The following ELMOD1 variants were observed in gnomAD, a reference collection of about 807,000 sequenced individuals.
The protein encoded by ELMOD1 is ELMO domain containing 1.
In ELMOD1, 21 loss-of-function variants were observed where a neutral mutation model predicts 46.7. That is an observed-to-expected ratio of 0.45 (90% confidence interval 0.32 to 0.65). ELMOD1 has a LOEUF of 0.65. ELMOD1 is among the 30% of genes least tolerant of loss of function. The pLI is 0.04. For missense variants in ELMOD1, 348 were observed against 407.8 expected (o/e 0.85, Z 1.26); for synonymous variants, 122 against 138.2 (o/e 0.88, Z 0.82).
intron 11 of ELMOD1, among the ~76,000 whole-genome samples, chr11:107,663,199 G>A (rs1219403501): frequency 6.6e-6 from 1 of 152,172 alleles, no homozygotes; most frequent in Non-Finnish European, 1.5e-5. Flanking sequence ...GGCCTTTTCT[G>A]ATGTGTTCAG....
At chr11:107,596,601 T>C (rs932502530) in intron 1 of ELMOD1, among the ~76,000 whole-genome samples, 46 of 152,148 alleles carry the variant, frequency 3.0e-4, no homozygotes, top group African/African-American at 1.1e-3. Context: ...TTGTACATTC[T>C]CTTAAAATGA....
At chr11:107,621,740 G>A (rs1017720003) in intron 2 of ELMOD1, among the ~76,000 whole-genome samples, 1 of 62,314 alleles carries the variant, frequency 1.6e-5, no homozygotes, top group African/African-American at 3.5e-5. Context: ...AAAAATGAAT[G>A]TGAGGGCCAG....
intron 1 of ELMOD1, among the ~76,000 whole-genome samples, chr11:107,613,518 C>T (rs192464923): frequency 4.0e-5 from 6 of 151,878 alleles, no homozygotes; most frequent in South Asian, 2.1e-4. Context: ...AACTATGCTG[C>T]GTTACTCAGC....
chr11:107,621,685 T>TC (rs57723188), intron 2 of ELMOD1, among the ~76,000 whole-genome samples: 1 of 151,122 alleles, frequency 6.6e-6, no homozygotes, highest in East Asian at 1.9e-4. Context: ...TTGTGTCACA[T>TC]TACCCCATTA....
chr11:107,650,970 A>C (rs1454670701), intron 9 of ELMOD1, 62 bp downstream of exon 9: 6 of 940,734 alleles, frequency 6.4e-6, no homozygotes, highest in Non-Finnish European at 7.3e-6. Flanking sequence ...AGTATGGGTA[A>C]GAATTTTTTT....
In ELMOD1 at chr11:107,635,737, A is replaced by C. The variant is rs745637426; in HGVS notation, c.392A>C (p.Asn131Thr). Residue 131 changes from asparagine to threonine, a missense_variant, in exon 6 of 12, where the codon AAT (asparagine) becomes ACT (threonine). Coordinates refer to ENST00000265840, the MANE Select transcript of ELMOD1 (RefSeq NM_018712.4). ...KLRREAYDSD[N>T]PQHEEMLLKL... ...CGTAGAGAGGCCTATGATTCTGATA[A>C]TCCCCAACATGAAGAAATGCTTTTG... 1.2e-6 allele frequency: 2 copies of C among 1,613,862 alleles called. No homozygotes were observed. Among genetic ancestry groups the C allele is most frequent in the South Asian group, 2.2e-5 (2 of 91,070 alleles).
At chr11:107,656,421 T>TATATATAAAAATACATG (rs1491256234) in intron 11 of ELMOD1, among the ~76,000 whole-genome samples, 4 of 93,454 alleles carry the variant, frequency 4.3e-5, no homozygotes, top group Admixed American at 1.1e-4. Flanking sequence ...TTATATATAT[T>TATATATAAAAATACATG]ATATATATAA....
chr11:107,639,404 C>A (rs1453714597), intron 6 of ELMOD1, among the ~76,000 whole-genome samples: 1 of 152,094 alleles, frequency 6.6e-6, no homozygotes, highest in Non-Finnish European at 1.5e-5. Context: ...ATAGACATTT[C>A]TATTAAAAGT....
At chr11:107,643,440 G>A in intron 6 of ELMOD1, 1 of 242,864 alleles carries the variant, frequency 4.1e-6, no homozygotes, top group Non-Finnish European at 8.7e-6. Flanking sequence ...TTTTGCTATA[G>A]ATGATTCCTT....
intron 1 of ELMOD1, among the ~76,000 whole-genome samples, chr11:107,608,117 A>G (rs1865718202): frequency 6.6e-6 from 1 of 151,384 alleles, no homozygotes; most frequent in African/African-American, 2.4e-5. Flanking sequence ...ACATGTTTTC[A>G]TATTCTAGTT....
At chr11:107,646,869 CTT>C (rs540144458) in intron 6 of ELMOD1, among the ~76,000 whole-genome samples, 1 of 151,124 alleles carries the variant, frequency 6.6e-6, no homozygotes, top group Non-Finnish European at 1.5e-5. Flanking sequence ...AATTTTTCCT[CTT>C]CTCTCTTTTC....
At chr11:107,598,298 T>C (rs557203747) in intron 1 of ELMOD1, among the ~76,000 whole-genome samples, 2 of 152,270 alleles carry the variant, frequency 1.3e-5, no homozygotes, top group South Asian at 4.2e-4. Flanking sequence ...AAAAGACTAA[T>C]GGCCCAGCTT....
At chr11:107,638,839 T>C (rs1300163858) in intron 6 of ELMOD1, among the ~76,000 whole-genome samples, 1 of 152,214 alleles carries the variant, frequency 6.6e-6, no homozygotes, top group Non-Finnish European at 1.5e-5. Context: ...CTAAAATATT[T>C]GTCAACTGGT....
intron 11 of ELMOD1, among the ~76,000 whole-genome samples, chr11:107,656,470 T>A (rs1866635316): frequency 6.8e-6 from 1 of 148,076 alleles, no homozygotes; most frequent in Non-Finnish European, 1.5e-5. Flanking sequence ...TTATATGTAT[T>A]TTATATATAT....
chr11:107,596,766 T>C (rs886229729), intron 1 of ELMOD1, among the ~76,000 whole-genome samples: 3 of 152,296 alleles, frequency 2.0e-5, no homozygotes, highest in Non-Finnish European at 2.9e-5. Context: ...GTGAATCCAA[T>C]ATATTAAAAT....
At chr11:107,625,269 C>T (rs541498314) in intron 2 of ELMOD1, 8 of 470,672 alleles carry the variant, frequency 1.7e-5, no homozygotes, top group African/African-American at 6.3e-5. Context: ...GACATTGAGC[C>T]GCTTGCTCTT....
At chr11:107,604,402 G>T (rs1333624417) in intron 1 of ELMOD1, among the ~76,000 whole-genome samples, 1 of 152,190 alleles carries the variant, frequency 6.6e-6, no homozygotes, top group Non-Finnish European at 1.5e-5. Context: ...GTCAGGAAAT[G>T]AGAGTCCTAT....
At chr11:107,622,138 G>A (rs1278313871) in intron 2 of ELMOD1, among the ~76,000 whole-genome samples, 2 of 152,172 alleles carry the variant, frequency 1.3e-5, no homozygotes, top group Admixed American at 6.5e-5. Context: ...ATCAGTGACA[G>A]GTTATAAACA....
intron 1 of ELMOD1, chr11:107,591,773 A>G: frequency 2.2e-6 from 1 of 458,958 alleles, no homozygotes; most frequent in South Asian, 1.6e-5. Context: ...AGGCGGGACA[A>G]GGGCGGCCTG....
Sources: allele counts gnomAD v4.1 joint callset (sites outside exome capture counted in the v4.1 genomes callset), GRCh38; gene constraint gnomAD v4.1.1; transcripts MANE v1.5; gene names NCBI Gene and HGNC (gene_info 2026-07-23, HGNC 2026-07-21).